TRMT61A: variants seen among roughly 807,000 people sequenced by gnomAD.
TRMT61A encodes tRNA (adenine(58)-N(1))-methyltransferase catalytic subunit TRMT61A.
A neutral mutation model predicts 21.3 loss-of-function variants in TRMT61A; 15 were observed. The ratio of observed to expected loss-of-function variants is 0.70; its 90% CI spans 0.47 to 1.08. TRMT61A has a LOEUF of 1.08. TRMT61A is among the 50% of genes least tolerant of loss of function. The probability of loss-of-function intolerance (pLI) is 0.00; values close to 1 mark genes in which losing one functional copy is unlikely to be tolerated. For missense variants in TRMT61A, 352 were observed against 426.7 expected, an observed-to-expected ratio of 0.83 and a Z score of 1.54; for synonymous variants, 183 against 185.5, an observed-to-expected ratio of 0.99 and a Z score of 0.11.
rs1035287897 is a variant in TRMT61A at position 103,531,162 on chromosome 14, C to A, written c.331+853C>A. On this transcript the variant is annotated intron_variant, in intron 2 of 3. Coordinates refer to ENST00000389749, the MANE Select transcript of TRMT61A (RefSeq NM_152307.3). This position sits in a 1 kb window ranked among gnomAD's most constrained non-coding sequence, Gnocchi z 5.1. ...CTTCTCCTGGCCTCCTCAGATATGC[C>A]AGGTCCCCTCCTAGGAACCGTGAAC... Among the ~76,000 whole-genome samples, 1 of 152,170 alleles carries A rather than the reference C, an allele frequency of 6.6e-6. No individual in the cohort carries two copies. Among genetic ancestry groups the A allele is most frequent in the African/African-American group, 2.4e-5 (1 of 41,446 alleles).
In TRMT61A at chr14:103,531,884, C is replaced by T. The variant is rs115068618; in HGVS notation, c.332-698C>T. Among the ~76,000 whole-genome samples the T allele has an allele frequency of 6.6e-5, 10 of 151,938 alleles. No individual in the cohort carries two copies. The highest frequency in any genetic ancestry group is 2.4e-5 in the African/African-American group (1 of 41,336). Reference sequence around the variant, plus strand: ...GTGGGAGGAGGGATGCAAGCCTTGACCCTCTCCATAAGACAGGAAGTCAAG... The same window carrying T: ...GTGGGAGGAGGGATGCAAGCCTTGATCCTCTCCATAAGACAGGAAGTCAAG... On this transcript the variant is annotated intron_variant, in intron 2 of 3. Transcript: ENST00000389749. This position sits in a 1 kb window ranked among gnomAD's most constrained non-coding sequence, Gnocchi z 5.1.
chr14:103,529,794 T>C (rs1595999177), intron 1 of TRMT61A, among the ~76,000 whole-genome samples, 156 bp from the exon 2 acceptor site: 1 of 152,218 alleles, frequency 6.6e-6, no homozygotes, highest in East Asian at 1.9e-4. Flanking sequence ...GCAGCGCTAT[T>C]GGGCTCCCTG....
chr14:103,530,371 C>A, intron 2 of TRMT61A, 62 bp downstream of exon 2: 1 of 1,421,968 alleles, frequency 7.0e-7, no homozygotes, highest in Non-Finnish European at 9.6e-7. Context: ...AGGTCAGAGC[C>A]TCCAGCCTGC....
chr14:103,529,881 C>T (rs1284490981), intron 1 of TRMT61A, 69 bp from the exon 2 acceptor site: 2 of 1,247,146 alleles, frequency 1.6e-6, no homozygotes, highest in East Asian at 2.6e-5. Context: ...GCCTCGAAGC[C>T]TTCTACCTAG....
intron 3 of TRMT61A, among the ~76,000 whole-genome samples, chr14:103,534,036 A>G (rs941836): frequency 0.99 from 150,101 of 152,362 alleles, 73,978 homozygotes; most frequent in East Asian, 1. Flanking sequence ...AGGCCAGGCC[A>G]AGTGAAGCCC....
At chr14:103,534,091 G>C (rs898648949) in intron 3 of TRMT61A, among the ~76,000 whole-genome samples, 1 of 152,196 alleles carries the variant, frequency 6.6e-6, no homozygotes, top group Non-Finnish European at 1.5e-5. Context: ...TGTCATGCTC[G>C]GGCTCTGCTT....
At position 103,530,216 on chromosome 14, in the gene TRMT61A, C is replaced by G. The variant is rs759991995; in HGVS notation, c.238C>G (p.Leu80Val). Residue 80 changes from leucine (L) to valine (V), a missense_variant, in exon 2 of 4, where the codon CTG (leucine) becomes GTG (valine). Coordinates refer to ENST00000389749, the MANE Select transcript of TRMT61A (RefSeq NM_152307.3). ...HPTPELWTLNLPHRTQILYST... is the reference protein window; with the variant it reads ...HPTPELWTLNVPHRTQILYST... ...CACGCCCGAGCTCTGGACGCTGAAC[C>G]TGCCGCACCGCACGCAGATCCTCTA... is the stretch of plus-strand genomic sequence containing the variant. 3 of 1,612,156 alleles carry G rather than the reference C, an allele frequency of 1.9e-6. No individual in the cohort carries two copies. The highest frequency in any genetic ancestry group is 8.5e-7 in the Non-Finnish European group (1 of 1,179,182).
chr14:103,534,531 C>T lies in TRMT61A; in HGVS notation c.599-19C>T, dbSNP rs1017661335. 15 of 1,542,064 alleles carry T rather than the reference C, an allele frequency of 9.7e-6. No homozygotes were observed. Among genetic ancestry groups the T allele is most frequent in the African/African-American group, 1.4e-5 (1 of 73,244 alleles). On this transcript the variant is annotated intron_variant, in intron 3 of 3. Transcript: ENST00000389749. ...TCTGCCACCCCTGCCCTCTGACCCT[C>T]GGGTCCTGTTTCCCACAGGCGGGCG...
intron 1 of TRMT61A, 142 bp from the exon 2 acceptor site, chr14:103,529,808 G>T: frequency 1.6e-6 from 1 of 631,424 alleles, no homozygotes; most frequent in Non-Finnish European, 2.7e-6. Flanking sequence ...CTCCCTGTCA[G>T]GCAGTGGCAG....
In TRMT61A at chr14:103,536,076, AC is replaced by A; in HGVS notation, c.*1260del. 6.6e-6 allele frequency: 1 copy of A among 152,662 alleles called. No homozygotes were observed. The highest frequency in any genetic ancestry group is 1.5e-5 in the Non-Finnish European group (1 of 68,436). The allele number at this position is 152,662 out of a possible 1,614,324, so 9.5% of individuals were successfully genotyped here. ...TGAGTGATCCCTAGCAGCCAAGGCC[AC>A]CCCCAGCTGCTGTCTAGGCCAGCCC... On this transcript the variant is annotated 3_prime_UTR_variant, in exon 4 of 4. Coordinates refer to ENST00000389749, the MANE Select transcript of TRMT61A (RefSeq NM_152307.3).
Position 103,535,701 on chromosome 14 carries a change from G to A in TRMT61A, c.*880G>A. The A allele has an allele frequency of 3.7e-6, 1 of 267,026 alleles. No individual in the cohort carries two copies. The highest frequency in any genetic ancestry group is 7.5e-6 in the Non-Finnish European group (1 of 133,694). 16.5% of individuals were successfully genotyped at this position (267,026 alleles called of 1,614,324 possible). A position where few individuals can be genotyped will look rare whatever the true frequency, so the allele number is the denominator to read the frequency against. On this transcript the variant is annotated 3_prime_UTR_variant, in exon 4 of 4. Transcript: ENST00000389749. Reference sequence around the variant, plus strand: ...CCACAGTGACAACGGTGTGGGGTAGGGGAGGTGCATTCAGGACACCACCCA... The same window carrying A: ...CCACAGTGACAACGGTGTGGGGTAGAGGAGGTGCATTCAGGACACCACCCA...
intron 1 of TRMT61A, among the ~76,000 whole-genome samples, chr14:103,529,672 T>A (rs1398675613): frequency 6.6e-6 from 1 of 152,270 alleles, no homozygotes; most frequent in Non-Finnish European, 1.5e-5. Flanking sequence ...CCGGGAATCC[T>A]TGGGACCGAA....
intron 3 of TRMT61A, among the ~76,000 whole-genome samples, chr14:103,534,252 C>T (rs565320466): frequency 9.2e-5 from 14 of 152,384 alleles, no homozygotes; most frequent in African/African-American, 3.1e-4. Flanking sequence ...GAGCAGTGCC[C>T]GCTGTGGGCC....
At position 103,532,624 on chromosome 14, in the gene TRMT61A, T is replaced by C. The variant is rs779158678; in HGVS notation, c.374T>C (p.Ile125Thr). Reference sequence around the variant, plus strand: ...GTGTCCCACGCCATCATCCGCACCATTGCACCCACGGGTCACCTGCACACG... The same window carrying C: ...GTGTCCCACGCCATCATCCGCACCACTGCACCCACGGGTCACCTGCACACG... Reference protein sequence around the residue: ...GSVSHAIIRTIAPTGHLHTVE... With the variant: ...GSVSHAIIRTTAPTGHLHTVE... The change falls in exon 3 of 4, where the codon ATT becomes ACT. Residue 125 changes from isoleucine (I) to threonine (T), a missense_variant. Coordinates refer to ENST00000389749, the MANE Select transcript of TRMT61A (RefSeq NM_152307.3). 6.2e-7 allele frequency: 1 copy of C among 1,613,370 alleles called. No homozygotes were observed. The highest frequency in any genetic ancestry group is 1.1e-5 in the South Asian group (1 of 91,084).
rs553064832 is a variant in TRMT61A, at chr14:103,531,424, C to T, written c.331+1115C>T. On this transcript the variant is annotated intron_variant, in intron 2 of 3. Transcript: ENST00000389749. This position sits in a 1 kb window ranked among gnomAD's most constrained non-coding sequence, Gnocchi z 5.1. ...GGACAGCTCTGCACCAAGGAGGAGC[C>T]GTGCCGAGGCCCTGCAGTTGGAGCA... Among the ~76,000 whole-genome samples, 489 of 152,194 alleles carry T rather than the reference C, an allele frequency of 3.2e-3. 4 individuals are homozygous for T. The highest frequency in any genetic ancestry group is 0.01 in the African/African-American group (431 of 41,448).
At chr14:103,534,185 C>T (rs540020422) in intron 3 of TRMT61A, among the ~76,000 whole-genome samples, 1 of 152,378 alleles carries the variant, frequency 6.6e-6, no homozygotes, top group South Asian at 2.1e-4. Flanking sequence ...CCCCACGCTG[C>T]CGTGCTGTCA....
chr14:103,534,607 C>T lies in TRMT61A; in HGVS notation c.656C>T (p.Ala219Val), dbSNP rs747802952. The change falls in exon 4 of 4, where the codon GCG becomes GTG. Residue 219 changes from alanine to valine, a missense_variant. Physicochemically the swap from Ala to Val is moderately conservative, Grantham distance 64. Transcript: ENST00000389749. ...CIEQVQRTCQ[A>V]LAARGFSELS... Reference sequence around the variant, plus strand: ...GAGCAGGTGCAACGCACATGCCAGGCGCTGGCAGCGCGCGGCTTCTCAGAG... The same window carrying T: ...GAGCAGGTGCAACGCACATGCCAGGTGCTGGCAGCGCGCGGCTTCTCAGAG... The T allele has an allele frequency of 8.7e-6, 14 of 1,603,520 alleles. No individual in the cohort carries two copies. Among genetic ancestry groups the T allele is most frequent in the Middle Eastern group, 1.7e-4 (1 of 6,028 alleles).
In TRMT61A at chr14:103,535,548, G is replaced by A. The variant is rs2142242284; in HGVS notation, c.*727G>A. ...CAGCGCTGCGGAGAGGAGCGGCAGAGTGGGTTGTCTGCCGCAGGCAACCAG... is the reference window on the plus strand; with the variant it reads ...CAGCGCTGCGGAGAGGAGCGGCAGAATGGGTTGTCTGCCGCAGGCAACCAG... On this transcript the variant is annotated 3_prime_UTR_variant, in exon 4 of 4. Transcript: ENST00000389749. 1 of 334,258 alleles carries A rather than the reference G, an allele frequency of 3.0e-6. No individual in the cohort carries two copies. The highest frequency in any genetic ancestry group is 8.6e-5 in the East Asian group (1 of 11,642). 20.7% of individuals were successfully genotyped at this position (334,258 alleles called of 1,614,324 possible). A position where few individuals can be genotyped will look rare whatever the true frequency, so the allele number is the denominator to read the frequency against.
Position 103,534,992 on chromosome 14 carries a change from G to A in TRMT61A, c.*171G>A, listed in dbSNP as rs1213683801. 1 of 831,442 alleles carries A rather than the reference G, an allele frequency of 1.2e-6. No homozygotes were observed. Among genetic ancestry groups the A allele is most frequent in the Non-Finnish European group, 2.0e-6 (1 of 503,652 alleles). 51.5% of individuals were successfully genotyped at this position (831,442 alleles called of 1,614,324 possible). A position where few individuals can be genotyped will look rare whatever the true frequency, so the allele number is the denominator to read the frequency against. On this transcript the variant is annotated 3_prime_UTR_variant, in exon 4 of 4. Coordinates refer to ENST00000389749, the MANE Select transcript of TRMT61A (RefSeq NM_152307.3). ...AGCAGGAAGGGCGGCTGTGATGGAG[G>A]AGCAGTGCTGGGGCTGGGCCTCAGC...
Sources: allele counts gnomAD v4.1 joint callset (sites outside exome capture counted in the v4.1 genomes callset), GRCh38; gene constraint gnomAD v4.1.1; non-coding constraint Gnocchi (gnomAD v3.1); transcripts MANE v1.5; gene names NCBI Gene and HGNC (gene_info 2026-07-23, HGNC 2026-07-21).